The following FGF14 variants were observed in gnomAD, a reference collection of about 807,000 sequenced individuals.
The protein encoded by FGF14 is fibroblast growth factor homologous factor 4.
In FGF14, 5 loss-of-function variants were observed where a neutral mutation model predicts 25.5. The observed-to-expected ratio is 0.20, with a 90% CI of 0.10 to 0.41. The LOEUF is 0.41. Among genes scored for constraint, FGF14 ranks in the 10% least tolerant of loss-of-function variants. The pLI is 1.00. For missense variants in FGF14, 222 were observed against 320.1 expected, an observed-to-expected ratio of 0.69 and a Z score of 2.34; for synonymous variants, 138 against 118.3, an observed-to-expected ratio of 1.17 and a Z score of -1.08.
intron 1 of FGF14, among the ~76,000 whole-genome samples, chr13:102,177,696 C>G (rs926423776): frequency 1.3e-5 from 2 of 151,582 alleles, no homozygotes; most frequent in South Asian, 2.1e-4. Flanking sequence ...CCTTATGGCT[C>G]ATGGAAATCC....
At chr13:102,270,684 C>T (rs1019707467) in intron 1 of FGF14, among the ~76,000 whole-genome samples, 8 of 152,040 alleles carry the variant, frequency 5.3e-5, no homozygotes, top group African/African-American at 1.9e-4. Context: ...TTGTACATTG[C>T]ATTGTATTTT....
intron 1 of FGF14, among the ~76,000 whole-genome samples, chr13:101,947,603 CAT>C (rs1439469155): frequency 2.0e-5 from 3 of 152,182 alleles, no homozygotes; most frequent in East Asian, 1.9e-4. Context: ...CCAAATACCA[CAT>C]GTCTTCACCT....
At chr13:101,917,943 G>A (rs973299506), upstream of FGF14, among the ~76,000 whole-genome samples, 2 of 152,152 alleles carry the variant, frequency 1.3e-5, no homozygotes, top group African/African-American at 4.8e-5. Flanking sequence ...AGGGGCAGAG[G>A]AGGGTGTCAC....
At chr13:102,086,752 A>C (rs1433244508) in intron 1 of FGF14, among the ~76,000 whole-genome samples, 1 of 152,128 alleles carries the variant, frequency 6.6e-6, no homozygotes, top group African/African-American at 2.4e-5. Context: ...TAATCTACCC[A>C]ATTTAGAAGG....
rs555916929 is a variant in FGF14, at chr13:102,378,550, A to C, written c.208+22921T>G. 2.6e-5 allele frequency among the ~76,000 whole-genome samples: 4 copies of C among 152,022 alleles called. No individual in the cohort carries two copies. The South Asian group carries it at 8.3e-4, about 32-fold the overall frequency. ...GGAAATGGACAGGCAAGAATAAATA[A>C]ATATCTACATTCTAGGTTTTACATT... On this transcript the variant is annotated intron_variant, in intron 1 of 4. Transcript: ENST00000376131.
At chr13:102,326,178 A>G (rs1354647095) in intron 1 of FGF14, among the ~76,000 whole-genome samples, 1 of 140,704 alleles carries the variant, frequency 7.1e-6, no homozygotes, top group Non-Finnish European at 1.6e-5. Flanking sequence ...GCCCAGGAAT[A>G]ACAATCAAAG....
At chr13:102,299,170 A>C (rs2054891891) in intron 1 of FGF14, among the ~76,000 whole-genome samples, 1 of 152,194 alleles carries the variant, frequency 6.6e-6, no homozygotes, top group Non-Finnish European at 1.5e-5. Flanking sequence ...AGATGCTCCA[A>C]GGATACAACA....
rs142945081 is a variant in FGF14, at chr13:102,205,480, A to G, written c.208+195991T>C. ...TAGGTATTGTGTGTGGGCATTAGAC[A>G]TTACACATGTCATAGATATTGTGCT... On this transcript the variant is annotated intron_variant, in intron 1 of 4. Transcript: ENST00000376131. Among the ~76,000 whole-genome samples, 642 of 152,288 alleles carry G rather than the reference A, an allele frequency of 4.2e-3. 14 individuals are homozygous for G. The highest frequency in any genetic ancestry group is 6.2e-3 in the East Asian group (32 of 5,160).
At chr13:102,158,741 CA>C (rs2047481484) in intron 1 of FGF14, among the ~76,000 whole-genome samples, 1 of 152,054 alleles carries the variant, frequency 6.6e-6, no homozygotes, top group Non-Finnish European at 1.5e-5. Flanking sequence ...TGGAGATCTA[CA>C]AACTGGTTTA....
At chr13:101,912,184 T>C (rs2033012752) in intron 1 of FGF14, among the ~76,000 whole-genome samples, 1 of 152,136 alleles carries the variant, frequency 6.6e-6, no homozygotes, top group Non-Finnish European at 1.5e-5. Flanking sequence ...TTTCTGCTTT[T>C]TATATTATGC....
intron 1 of FGF14, among the ~76,000 whole-genome samples, chr13:102,047,398 TA>T (rs920799986): frequency 2.0e-4 from 30 of 151,514 alleles, no homozygotes; most frequent in East Asian, 1.5e-3. Context: ...GCTATACCTT[TA>T]AAAAAAAATT....
At chr13:101,794,562 T>G (rs8001881) in intron 3 of FGF14, among the ~76,000 whole-genome samples, 68,517 of 151,918 alleles carry the variant, frequency 0.45, 17,372 homozygotes, top group Middle Eastern at 0.58. Context: ...GTTCACAGCT[T>G]GAAATTTTTT....
At chr13:101,758,830 G>A (rs1216478837) in intron 3 of FGF14, among the ~76,000 whole-genome samples, 2 of 152,166 alleles carry the variant, frequency 1.3e-5, no homozygotes, top group African/African-American at 2.4e-5. Flanking sequence ...GCAGTTCTGG[G>A]TTGAGGGATG....
intron 1 of FGF14, among the ~76,000 whole-genome samples, chr13:102,276,559 A>G (rs1346669855): frequency 2.6e-5 from 4 of 151,926 alleles, no homozygotes; most frequent in Non-Finnish European, 5.9e-5. Flanking sequence ...CTGTCAGTTC[A>G]AAGAATTATT....
chr13:102,094,158 C>T (rs569603598), intron 1 of FGF14, among the ~76,000 whole-genome samples: 2 of 150,808 alleles, frequency 1.3e-5, no homozygotes, highest in African/African-American at 4.9e-5. Context: ...TGCAAAATAC[C>T]TTTTTATCTT....
chr13:101,956,162 C>A (rs1347319641), intron 1 of FGF14, among the ~76,000 whole-genome samples: 2 of 152,184 alleles, frequency 1.3e-5, no homozygotes, highest in African/African-American at 4.8e-5. Context: ...ATGAGGCATG[C>A]TGCATGAAAA....
chr13:102,185,454 C>T (rs749734033), intron 1 of FGF14, among the ~76,000 whole-genome samples: 2 of 152,170 alleles, frequency 1.3e-5, no homozygotes, highest in Non-Finnish European at 2.9e-5. Context: ...ACTTGACTTT[C>T]ACATTTTAAT....
intron 1 of FGF14, among the ~76,000 whole-genome samples, chr13:101,943,822 A>ATATAT (rs1266549387): frequency 4.1e-5 from 5 of 122,478 alleles, no homozygotes; most frequent in African/African-American, 1.5e-4. Flanking sequence ...TAAAAAAAAA[A>ATATAT]AAAAATATAT....
intron 1 of FGF14, among the ~76,000 whole-genome samples, chr13:102,348,512 A>C (rs1425692455): frequency 6.6e-6 from 1 of 152,228 alleles, no homozygotes; most frequent in Non-Finnish European, 1.5e-5. Flanking sequence ...ATGAAACAGA[A>C]GCAGCCAACA....
Sources: allele counts gnomAD v4.1 joint callset (sites outside exome capture counted in the v4.1 genomes callset), GRCh38; gene constraint gnomAD v4.1.1; transcripts MANE v1.5; gene names NCBI Gene and HGNC (gene_info 2026-07-23, HGNC 2026-07-21).